Variants in CTBP1 observed in about 807,000 individuals in gnomAD.
CTBP1 encodes the protein C-terminal binding protein 1, also known as C-terminal-binding protein 1.
In CTBP1, 11 loss-of-function variants were observed where a neutral mutation model predicts 42.1. The ratio of observed to expected loss-of-function variants is 0.26; its 90% CI spans 0.16 to 0.43. CTBP1 has a LOEUF of 0.43. CTBP1 is among the 20% of genes least tolerant of loss of function. The pLI is 1.00. For synonymous variants in CTBP1, 324 were observed against 277.1 expected, an observed-to-expected ratio of 1.17 and a Z score of -1.68; for missense variants, 399 against 624.3, an observed-to-expected ratio of 0.64 and a Z score of 3.85.
chr4:1,214,190 C>A, intron 7 of CTBP1, 153 bp downstream of exon 7: 1 of 1,027,780 alleles, frequency 9.7e-7, no homozygotes, highest in Non-Finnish European at 1.3e-6. Flanking sequence ...TCCATCCTCA[C>A]CCCGCAGCGG....
chr4:1,242,554 G>A (rs959910842), intron 1 of CTBP1: 28 of 985,234 alleles, frequency 2.8e-5, no homozygotes, highest in African/African-American at 8.7e-5. Flanking sequence ...CATACATGCC[G>A]ACCATCTCCA....
chr4:1,250,339 G>A (rs562078615), upstream of CTBP1: 125 of 276,982 alleles, frequency 4.5e-4, no homozygotes, highest in Middle Eastern at 1.3e-3. Flanking sequence ...TGGCCTGGAG[G>A]AAACCTGGCA....
At chr4:1,232,019 T>C (rs1233430442) in intron 3 of CTBP1, among the ~76,000 whole-genome samples, 1 of 152,262 alleles carries the variant, frequency 6.6e-6, no homozygotes, top group Non-Finnish European at 1.5e-5. Flanking sequence ...GATTTTTCTG[T>C]TTCTACTGAT....
intron 3 of CTBP1, among the ~76,000 whole-genome samples, chr4:1,229,724 C>T (rs1343263499): frequency 6.6e-6 from 1 of 152,166 alleles, no homozygotes; most frequent in African/African-American, 2.4e-5. Context: ...TGAGGGCAGC[C>T]CCCAGGAAGA....
At chr4:1,230,790 G>A (rs917859372) in intron 3 of CTBP1, among the ~76,000 whole-genome samples, 1 of 152,222 alleles carries the variant, frequency 6.6e-6, no homozygotes, top group African/African-American at 2.4e-5. Context: ...CAGCCTTAAG[G>A]TTGCTTCCTG....
intron 1 of CTBP1, among the ~76,000 whole-genome samples, chr4:1,245,950 C>T (rs1238632969): frequency 6.6e-6 from 1 of 152,216 alleles, no homozygotes; most frequent in African/African-American, 2.4e-5. Context: ...GAACTGGTAC[C>T]ACCTGGGGCC....
At chr4:1,222,133 C>G (rs1729806847) in intron 5 of CTBP1, among the ~76,000 whole-genome samples, 1 of 152,142 alleles carries the variant, frequency 6.6e-6, no homozygotes, top group Non-Finnish European at 1.5e-5. Context: ...TGGCTGGTGC[C>G]CAGCACCGGC....
intron 1 of CTBP1, among the ~76,000 whole-genome samples, chr4:1,247,664 A>C (rs966229912): frequency 6.6e-6 from 1 of 151,050 alleles, no homozygotes; most frequent in Non-Finnish European, 1.5e-5. Flanking sequence ...CTAGGAGCTC[A>C]GCGAGGACGG....
At chr4:1,231,523 C>A (rs376369415) in intron 3 of CTBP1, among the ~76,000 whole-genome samples, 6 of 152,218 alleles carry the variant, frequency 3.9e-5, no homozygotes, top group Non-Finnish European at 7.3e-5. Context: ...GACCCCAGGA[C>A]GCTCCTGGTG....
chr4:1,242,686 G>A lies in CTBP1; in HGVS notation c.-188-1167C>T. 6 of 985,444 alleles carry A rather than the reference G, an allele frequency of 6.1e-6. No homozygotes were observed. The South Asian group carries it at 2.8e-4, about 46-fold the overall frequency. The allele number at this position is 985,444 out of a possible 1,614,324, so 61.0% of individuals were successfully genotyped here. ...TGGGACTCCCTGACGGAGGGCCCAA[G>A]AGCAACACTGTGGAGCGGGATCCCC... On this transcript the variant is annotated intron_variant, in intron 1 of 9. Coordinates refer to ENST00000382952, the MANE Select transcript of CTBP1 (RefSeq NM_001012614.2).
intron 5 of CTBP1, among the ~76,000 whole-genome samples, chr4:1,219,557 A>G (rs1392534377): frequency 6.6e-6 from 1 of 152,232 alleles, no homozygotes. Context: ...TAACACCCAC[A>G]CTCACTGCTG....
rs980096505 is a variant in CTBP1, at chr4:1,235,612, C to T, written c.162+2571G>A. On this transcript the variant is annotated intron_variant, in intron 3 of 9. Transcript: ENST00000382952. The surrounding 1 kb of genome is among the most constrained non-coding windows in gnomAD (Gnocchi z 4.2). The stretch of plus-strand genomic sequence containing the variant: ...CTCATTTTCTCCCCTAACGCTGCTA[C>T]GCCCCGTTCCAGAGTCATCAGCTCT... The T allele has an allele frequency of 2.0e-5, 3 of 152,228 alleles. No homozygotes were observed. Among genetic ancestry groups the T allele is most frequent in the African/African-American group, 4.8e-5 (2 of 41,442 alleles). 9.4% of individuals were successfully genotyped at this position (152,228 alleles called of 1,614,324 possible).
intron 1 of CTBP1, among the ~76,000 whole-genome samples, chr4:1,246,248 C>G (rs772120966): frequency 5.9e-5 from 9 of 152,162 alleles, no homozygotes; most frequent in Non-Finnish European, 8.8e-5. Flanking sequence ...TACCAACATC[C>G]AGCGACCACC....
chr4:1,241,544 A>G (rs768718340), intron 1 of CTBP1, 25 bp from the exon 2 acceptor site: 18 of 1,572,044 alleles, frequency 1.1e-5, no homozygotes, highest in East Asian at 4.6e-5. Context: ...CAAGAGACAC[A>G]TTAAAATGCC....
Position 1,233,660 on chromosome 4 carries a change from C to T in CTBP1, c.162+4523G>A, listed in dbSNP as rs1577059197. Among the ~76,000 whole-genome samples, 1 of 152,142 alleles carries T rather than the reference C, an allele frequency of 6.6e-6. No individual in the cohort carries two copies. The highest frequency in any genetic ancestry group is 1.5e-5 in the Non-Finnish European group (1 of 68,030). On this transcript the variant is annotated intron_variant, in intron 3 of 9. Coordinates refer to ENST00000382952, the MANE Select transcript of CTBP1 (RefSeq NM_001012614.2). This position sits in a 1 kb window ranked among gnomAD's most constrained non-coding sequence, Gnocchi z 4.6. ...GTGTCCCGGTGGGTGACATCCCCCA[C>T]CCGTGGTATCAGTAAAATCCCAGTC...
Position 1,225,367 on chromosome 4 carries a change from G to A in CTBP1, c.507C>T (p.Ile169=), listed in dbSNP as rs775147566. ...ARIRGETLGI[I]GLGRVGQAVA... is the part of the protein sequence containing the mutation. Reference sequence around the variant, plus strand: ...GAGCTGCGGCCGACGCACCAAGTCCGATGATGCCCAAGGTCTCCCCGCGGA... The same window carrying A: ...GAGCTGCGGCCGACGCACCAAGTCCAATGATGCCCAAGGTCTCCCCGCGGA... Residue 169 remains isoleucine (I), a synonymous_variant, in exon 5 of 10, where the codon ATC becomes ATT. Coordinates refer to ENST00000382952, the MANE Select transcript of CTBP1 (RefSeq NM_001012614.2). 9.6e-6 allele frequency: 15 copies of A among 1,557,710 alleles called. No individual in the cohort carries two copies. The highest frequency in any genetic ancestry group is 2.4e-5 in the East Asian group (1 of 41,574).
intron 1 of CTBP1, chr4:1,243,488 C>T: frequency 2.0e-6 from 2 of 985,404 alleles, no homozygotes; most frequent in Non-Finnish European, 2.4e-6. Flanking sequence ...GGCCCAGCAC[C>T]TGGTTCTCCT....
rs530911157 is a variant in CTBP1 at position 1,223,741 on chromosome 4, C to T, written c.514+1619G>A. ...CCGCCCAGATGCTCCCCCTCCCTCA[C>T]GGGGCCCCTCACCTGGCCTCTCCCA... On this transcript the variant is annotated intron_variant, in intron 5 of 9. Transcript: ENST00000382952. Among the ~76,000 whole-genome samples, 3 of 152,148 alleles carry T rather than the reference C, an allele frequency of 2.0e-5. No individual in the cohort carries two copies. The South Asian group carries it at 6.2e-4, about 31-fold the overall frequency.
rs540708011 is a variant in CTBP1 at position 1,214,249 on chromosome 4, A to C, written c.860+94T>G. 5.7e-6 allele frequency: 8 copies of C among 1,397,394 alleles called. No individual in the cohort carries two copies. The African/African-American group carries it at 9.0e-5, about 16-fold the overall frequency. The allele number at this position is 1,397,394 out of a possible 1,614,324, so 86.6% of individuals were successfully genotyped here. On this transcript the variant is annotated intron_variant, in intron 7 of 9. Transcript: ENST00000382952. ...CCAGCGAGAGGCCTGAGTACAGGCA[A>C]GTGTCCGGCCTGGCAGAGGCGCCGT...
Sources: gnomAD v4.1 joint callset for allele counts (sites outside exome capture counted in the v4.1 genomes callset) on GRCh38, gnomAD v4.1.1 for gene constraint, Gnocchi (gnomAD v3.1) non-coding constraint, MANE v1.5 for transcripts, NCBI Gene and HGNC (gene_info 2026-07-23, HGNC 2026-07-21) for gene names.